CHID1: variants seen among roughly 807,000 people sequenced by gnomAD.
CHID1 encodes chitinase domain-containing protein 1.
Under a neutral mutation model 55.4 loss-of-function variants are expected in CHID1, and 44 were observed. The observed-to-expected ratio is 0.79, with a 90% CI of 0.62 to 1.02. The LOEUF (loss-of-function observed/expected upper bound fraction) is 1.02. Ranked by LOEUF, CHID1 falls within the 50% of genes least tolerant of loss-of-function variation. The pLI is 0.00. For synonymous variants in CHID1, 216 were observed against 212.9 expected, an observed-to-expected ratio of 1.01 and a Z score of -0.13; for missense variants, 491 against 515.3, an observed-to-expected ratio of 0.95 and a Z score of 0.46.
chr11:904,330 G>A (rs1428144911), intron 2 of CHID1, among the ~76,000 whole-genome samples: 4 of 152,196 alleles, frequency 2.6e-5, no homozygotes, highest in East Asian at 1.9e-4. Context: ...CCAGGGGAAC[G>A]TCCCAAAAAG....
chr11:895,783 G>A (rs1851226953), intron 7 of CHID1, among the ~76,000 whole-genome samples: 1 of 152,114 alleles, frequency 6.6e-6, no homozygotes, highest in Non-Finnish European at 1.5e-5. Context: ...GCAGGACTGT[G>A]CTGAGGCAGC....
intron 4 of CHID1, 164 bp downstream of exon 4, chr11:902,034 C>G (rs1851849964): frequency 1.5e-6 from 1 of 655,272 alleles, no homozygotes. Flanking sequence ...CAGTCTCACA[C>G]TTACACACTC....
At chr11:904,628 C>T in intron 2 of CHID1, 78 bp downstream of exon 2, 2 of 1,554,858 alleles carry the variant, frequency 1.3e-6, no homozygotes, top group Non-Finnish European at 1.8e-6. Flanking sequence ...GCTCACAGGC[C>T]CCAGTGGACA....
chr11:894,634 C>T (rs550462698), intron 7 of CHID1, among the ~76,000 whole-genome samples: 1 of 152,308 alleles, frequency 6.6e-6, no homozygotes, highest in East Asian at 1.9e-4. Context: ...GAGACCCACC[C>T]CTTAGGGGAT....
chr11:903,039 G>A lies in CHID1; in HGVS notation c.184C>T (p.Leu62Phe), dbSNP rs147773662. The A allele has an allele frequency of 4.2e-4, 679 of 1,613,900 alleles. 4 individuals carry two copies. In the African/African-American group the frequency reaches 8.2e-3, roughly 19 times the overall value. Residue 62 changes from leucine (L) to phenylalanine (F), a missense_variant, in exon 3 of 13, where the codon CTT becomes TTT. Leu to Phe is a conservative substitution (Grantham distance 22, BLOSUM62 0). Transcript: ENST00000323578. Reference protein sequence around the residue: ...VTDLKAESVVLEHRSYCSAKA... With the variant: ...VTDLKAESVVFEHRSYCSAKA... ...GCCGAGCAGTAGCTGCGATGCTCAA[G>A]AACCACACTCTCAGCTTTGAGGTCC...
At position 869,409 on chromosome 11, in the gene CHID1, C is replaced by T. The variant is rs1456768508; in HGVS notation, c.*449G>A. On this transcript the variant is annotated 3_prime_UTR_variant, in exon 13 of 13. Transcript: ENST00000323578. ...GGCAGGTATGTGGGGGTGGAGCTCT[C>T]AGCTCTATCACTGCCAGGCCCTGGG... 1.1e-5 allele frequency: 2 copies of T among 182,140 alleles called. No individual in the cohort carries two copies. The highest frequency in any genetic ancestry group is 5.5e-5 in the Admixed American group (1 of 18,100). 11.3% of individuals were successfully genotyped at this position (182,140 alleles called of 1,614,324 possible).
At chr11:902,615 G>C (rs1364425074) in intron 3 of CHID1, among the ~76,000 whole-genome samples, 15 of 152,306 alleles carry the variant, frequency 9.8e-5, no homozygotes, top group South Asian at 6.2e-4. Flanking sequence ...CTGGCAGCTG[G>C]GAACAGCAAG....
rs1361426866 is a variant in CHID1 at position 868,807 on chromosome 11, C to T, written c.*1051G>A. ...TGTCCTCACCGTCCTCACCCCACGG[C>T]ATTCTGAGTGAGGGACGCCCAGGCC... On this transcript the variant is annotated 3_prime_UTR_variant, in exon 13 of 13. Coordinates refer to ENST00000323578, the MANE Select transcript of CHID1 (RefSeq NM_023947.4). 3.9e-5 allele frequency: 6 copies of T among 152,398 alleles called. No individual in the cohort carries two copies. Among genetic ancestry groups the T allele is most frequent in the African/African-American group, 1.2e-4 (5 of 41,448 alleles). The allele number at this position is 152,398 out of a possible 1,614,324, so 9.4% of individuals were successfully genotyped here.
At chr11:908,551 C>G in intron 1 of CHID1, 1 of 985,212 alleles carries the variant, frequency 1.0e-6, no homozygotes, top group South Asian at 4.7e-5. Context: ...CCTGGCCAGG[C>G]TGAAACGGTG....
upstream of CHID1, among the ~76,000 whole-genome samples, chr11:913,588 C>A (rs1354580674): frequency 6.6e-6 from 1 of 151,848 alleles, no homozygotes; most frequent in Non-Finnish European, 1.5e-5. Flanking sequence ...GTCTGAGCAA[C>A]ATGGTGAAAC....
upstream of CHID1, among the ~76,000 whole-genome samples, chr11:912,653 A>G (rs1044786505): frequency 5.8e-4 from 88 of 152,072 alleles, no homozygotes; most frequent in Non-Finnish European, 1.1e-3. Context: ...GACCATCCTG[A>G]TTAACACGGT....
intron 8 of CHID1, among the ~76,000 whole-genome samples, chr11:890,043 G>A (rs1322960154): frequency 6.6e-6 from 1 of 151,988 alleles, no homozygotes; most frequent in East Asian, 1.9e-4. Context: ...CCATGGCCTT[G>A]GGTCCCCTGG....
chr11:869,996 TC>T, intron 12 of CHID1, 40 bp from the exon 13 acceptor site: 3 of 1,605,832 alleles, frequency 1.9e-6, no homozygotes, highest in South Asian at 1.1e-5. Context: ...CTGGGGCCTG[TC>T]CCCCCAACAC....
rs115714711 is a variant in CHID1 at position 901,464 on chromosome 11, G to A, written c.395-484C>T. 2.5e-3 allele frequency among the ~76,000 whole-genome samples: 379 copies of A among 152,226 alleles called. 1 individual carries two copies. The highest frequency in any genetic ancestry group is 8.6e-3 in the African/African-American group (359 of 41,536). ...CTTCCCCTGCCATTTCTCTCTGTCC[G>A]AGCCCAAACGCAAGGCGCAGCCACG... On this transcript the variant is annotated intron_variant, in intron 4 of 12. Transcript: ENST00000323578.
chr11:895,193 C>T (rs373395393), intron 7 of CHID1, among the ~76,000 whole-genome samples: 3 of 152,302 alleles, frequency 2.0e-5, no homozygotes, highest in African/African-American at 7.2e-5. Context: ...GGTCTCCTGC[C>T]TGGTTCCCAG....
At chr11:899,479 C>A in intron 6 of CHID1, 78 bp from the exon 7 acceptor site, 2 of 1,353,992 alleles carry the variant, frequency 1.5e-6, no homozygotes, top group South Asian at 1.3e-5. Context: ...CCCGCCACCT[C>A]GGCCCACATG....
Position 891,196 on chromosome 11 carries a change from G to A in CHID1, c.701+2231C>T, listed in dbSNP as rs143970890. Reference sequence around the variant, plus strand: ...GAGCCTCAGCACCTTCACCGGCCCCGCCGACTGGGAGGGCACAGCCCTGTG... The same window carrying A: ...GAGCCTCAGCACCTTCACCGGCCCCACCGACTGGGAGGGCACAGCCCTGTG... On this transcript the variant is annotated intron_variant, in intron 8 of 12. Transcript: ENST00000323578. Among the ~76,000 whole-genome samples the A allele has an allele frequency of 7.9e-3, 1,203 of 152,232 alleles. 5 individuals are homozygous for A. The highest frequency in any genetic ancestry group is 0.014 in the Non-Finnish European group (919 of 68,004).
At chr11:900,547 C>A (rs900733140) in intron 5 of CHID1, among the ~76,000 whole-genome samples, 1 of 152,224 alleles carries the variant, frequency 6.6e-6, no homozygotes, top group African/African-American at 2.4e-5. Context: ...GTCCCCCCTT[C>A]CCCAGCCGTG....
At chr11:876,084 C>T (rs779199409) in intron 10 of CHID1, among the ~76,000 whole-genome samples, 5 of 152,120 alleles carry the variant, frequency 3.3e-5, no homozygotes, top group Admixed American at 6.5e-5. Flanking sequence ...GGTGCCAACA[C>T]AAGGCGAGAA....
Sources: allele counts gnomAD v4.1 joint callset (sites outside exome capture counted in the v4.1 genomes callset), GRCh38; gene constraint gnomAD v4.1.1; transcripts MANE v1.5; gene names NCBI Gene and HGNC (gene_info 2026-07-23, HGNC 2026-07-21).